Variants in ZNF695 observed in about 807,000 individuals in gnomAD.
The protein encoded by ZNF695 is zinc finger protein SBZF3.
ZNF695 carries 11 observed loss-of-function variants against 11.2 expected under a neutral mutation model. The ratio of observed to expected loss-of-function variants is 0.98; its 90% CI spans 0.62 to 1.62. The LOEUF (loss-of-function observed/expected upper bound fraction) is 1.62, where lower values mean the gene tolerates loss of function less well. Among genes scored for constraint, ZNF695 ranks in the 40% most tolerant of loss-of-function variants. ZNF695 has a pLI of 0.00. For missense variants in ZNF695, 559 were observed against 590.5 expected (o/e 0.95, Z 0.55); for synonymous variants, 190 against 201.4 (o/e 0.94, Z 0.48).
chr1:246,954,010 T>C (rs1230769188), intron 5 of ZNF695, among the ~76,000 whole-genome samples: 2 of 151,146 alleles, frequency 1.3e-5, no homozygotes, highest in Non-Finnish European at 2.9e-5. Context: ...AGTGTAGAGC[T>C]TGGGACTCTG....
In ZNF695 at chr1:246,987,244, G is replaced by A. The variant is rs962434421; in HGVS notation, c.1271C>T (p.Thr424Ile). ...GKAFTWFSYL[T>I]QHKRIHTGEK... is the part of the protein sequence containing the mutation. ...TCCAGTATGAATTCTCTTATGTTGAGTAAGGTATGAAAACCAGGTAAAAGC... is the reference window on the plus strand; with the variant it reads ...TCCAGTATGAATTCTCTTATGTTGAATAAGGTATGAAAACCAGGTAAAAGC... The change falls in exon 4 of 4, where the codon ACT (threonine) becomes ATT (isoleucine). Residue 424 changes from threonine to isoleucine, a missense_variant. Transcript: ENST00000339986. The A allele has an allele frequency of 1.2e-6, 2 of 1,613,886 alleles. No homozygotes were observed. The highest frequency in any genetic ancestry group is 4.5e-5 in the East Asian group (2 of 44,862).
intron 3 of ZNF695, among the ~76,000 whole-genome samples, chr1:246,994,769 A>G (rs749705182): frequency 1.3e-5 from 2 of 152,138 alleles, no homozygotes; most frequent in Admixed American, 1.3e-4. Context: ...CCCGGGAGGC[A>G]GAGCTTGCAG....
At chr1:247,007,004 G>T (rs903007516) in intron 1 of ZNF695, among the ~76,000 whole-genome samples, 2 of 152,110 alleles carry the variant, frequency 1.3e-5, no homozygotes, top group African/African-American at 4.8e-5. Context: ...ACATAATCAG[G>T]AAATTTCATC....
chr1:246,992,405 G>A (rs894884658), intron 3 of ZNF695, among the ~76,000 whole-genome samples: 5 of 152,070 alleles, frequency 3.3e-5, no homozygotes, highest in African/African-American at 1.2e-4. Context: ...GGAAAGGGTA[G>A]TGGGTGAGTG....
downstream of ZNF695, among the ~76,000 whole-genome samples, chr1:246,983,668 A>G (rs1398306826): frequency 6.6e-6 from 1 of 151,972 alleles, no homozygotes; most frequent in Non-Finnish European, 1.5e-5. Context: ...AAATACAAAA[A>G]TTAGCCAGGC....
At position 246,966,103 on chromosome 1, in the gene ZNF695, G is replaced by T. The variant is rs566935820; in HGVS notation, c.488+1592C>A. Among the ~76,000 whole-genome samples, 5 of 152,104 alleles carry T rather than the reference G, an allele frequency of 3.3e-5. No homozygotes were observed. In the South Asian group the frequency reaches 1.0e-3, roughly 32 times the overall value. On this transcript the variant is annotated intron_variant, in intron 5 of 5. Transcript: ENST00000487338. Reference sequence around the variant, plus strand: ...TATTAAGAGAAAAGTTAAGAATAAGGGCAAAGAGCCTGGGGCAGAGGCATA... The same window carrying T: ...TATTAAGAGAAAAGTTAAGAATAAGTGCAAAGAGCCTGGGGCAGAGGCATA...
At chr1:246,995,813 CAAAAAAAAAAAAA>C (rs60375785) in intron 3 of ZNF695, among the ~76,000 whole-genome samples, 11 of 66,782 alleles carry the variant, frequency 1.6e-4, no homozygotes, top group Non-Finnish European at 2.1e-4. Context: ...GACTCTGTCT[CAAAAAAAAAAAAA>C]AAAAAAAAAA....
intron 4 of ZNF695, among the ~76,000 whole-genome samples, chr1:246,973,007 G>T (rs1668467366): frequency 6.7e-6 from 1 of 148,606 alleles, no homozygotes; most frequent in African/African-American, 2.5e-5. Context: ...TCAAACAGAA[G>T]AGTAATAGGA....
intron 5 of ZNF695, among the ~76,000 whole-genome samples, chr1:246,963,275 G>A (rs1275727691): frequency 1.3e-5 from 2 of 152,116 alleles, no homozygotes; most frequent in African/African-American, 4.8e-5. Flanking sequence ...TCTAGGTGCT[G>A]GGCATCAGTG....
rs539641201 is a variant in ZNF695 at position 246,956,306 on chromosome 1, A to T, written c.489-10479T>A. Among the ~76,000 whole-genome samples the T allele has an allele frequency of 6.1e-3, 914 of 150,790 alleles. 6 individuals are homozygous for T. The highest frequency in any genetic ancestry group is 0.019 in the South Asian group (87 of 4,656). On this transcript the variant is annotated intron_variant, in intron 5 of 5. Coordinates refer to the ZNF695 transcript ENST00000487338. ...CCCGGCCGATTGGATCATTATTTTT[A>T]AAAAAATCTATAAAAGATGGTCATG...
intron 1 of ZNF695, among the ~76,000 whole-genome samples, chr1:247,007,464 C>A (rs1669572396): frequency 6.9e-6 from 1 of 144,506 alleles, no homozygotes; most frequent in African/African-American, 2.6e-5. Context: ...CCACCGAACT[C>A]CAGCCTGGCG....
downstream of ZNF695, among the ~76,000 whole-genome samples, chr1:246,980,439 C>T (rs1260327162): frequency 7.3e-6 from 1 of 136,636 alleles, no homozygotes; most frequent in Non-Finnish European, 1.5e-5. Context: ...TTTTTTGAGA[C>T]AGACTCTTAC....
chr1:247,004,069 G>A lies in ZNF695; in HGVS notation c.3+3837C>T, dbSNP rs566170247. Among the ~76,000 whole-genome samples the A allele has an allele frequency of 3.9e-4, 60 of 152,230 alleles. 1 individual carries two copies. The highest frequency in any genetic ancestry group is 3.4e-3 in the Middle Eastern group (1 of 294). On this transcript the variant is annotated intron_variant, in intron 1 of 3. Transcript: ENST00000339986. Reference sequence around the variant, plus strand: ...CTCTACTAAAATACAAAAATTAGCCGGGTGTGGTGGCAGGCATCTGTAATC... The same window carrying A: ...CTCTACTAAAATACAAAAATTAGCCAGGTGTGGTGGCAGGCATCTGTAATC...
intron 3 of ZNF695, among the ~76,000 whole-genome samples, chr1:246,993,912 G>A (rs1294170298): frequency 3.3e-5 from 5 of 152,274 alleles, no homozygotes; most frequent in East Asian, 1.9e-4. Flanking sequence ...GGTGGCTCAC[G>A]CCTGTAATCC....
At chr1:246,971,891 T>G (rs1668437546) in intron 4 of ZNF695, among the ~76,000 whole-genome samples, 1 of 152,146 alleles carries the variant, frequency 6.6e-6, no homozygotes, top group Non-Finnish European at 1.5e-5. Flanking sequence ...ATTTTTTGTA[T>G]TTTTAGTACA....
In ZNF695 at chr1:246,999,901, G is replaced by A. The variant is rs1219018413; in HGVS notation, c.166+11C>T. On this transcript the variant is annotated intron_variant, in intron 2 of 3. Coordinates refer to ENST00000339986, the MANE Select transcript of ZNF695 (RefSeq NM_020394.5). The stretch of plus-strand genomic sequence containing the variant: ...AAAACATTCTACAAAGGAAAAAGAT[G>A]AAATCCTTACTGTGAAATAGGAATT... The A allele has an allele frequency of 2.5e-6, 4 of 1,612,972 alleles. No homozygotes were observed. The highest frequency in any genetic ancestry group is 4.5e-5 in the East Asian group (2 of 44,858).
At position 246,987,226 on chromosome 1, in the gene ZNF695, T is replaced by C; in HGVS notation, c.1289A>G (p.His430Arg). ...ACATTTGTAGGGTTTCTCTCCAGTA[T>C]GAATTCTCTTATGTTGAGTAAGGTA... Reference protein sequence around the residue: ...FSYLTQHKRIHTGEKPYKCDE... With the variant: ...FSYLTQHKRIRTGEKPYKCDE... Residue 430 changes from histidine (H) to arginine (R), a missense_variant, in exon 4 of 4, where the codon CAT becomes CGT. His to Arg is a conservative substitution (Grantham distance 29, BLOSUM62 0). Coordinates refer to ENST00000339986, the MANE Select transcript of ZNF695 (RefSeq NM_020394.5). 6.2e-7 allele frequency: 1 copy of C among 1,614,050 alleles called. No homozygotes were observed. Among genetic ancestry groups the C allele is most frequent in the Non-Finnish European group, 8.5e-7 (1 of 1,180,010 alleles).
At chr1:246,949,481 C>G (rs1487514313) in intron 5 of ZNF695, among the ~76,000 whole-genome samples, 2 of 151,858 alleles carry the variant, frequency 1.3e-5, no homozygotes, top group Non-Finnish European at 2.9e-5. Flanking sequence ...GTCCCAGCTA[C>G]TTGGGGGGCT....
Position 246,999,452 on chromosome 1 carries a change from G to A in ZNF695, c.167-12C>T, listed in dbSNP as rs1279778877. On this transcript the variant is annotated splice_polypyrimidine_tract_variant and intron_variant, in intron 2 of 3. Coordinates refer to ENST00000339986, the MANE Select transcript of ZNF695 (RefSeq NM_020394.5). Reference sequence around the variant, plus strand: ...AGACATAGCAAGACCTGTTTTATTAGAAAAAAGGTGCATGATTCTTGCAGG... The same window carrying A: ...AGACATAGCAAGACCTGTTTTATTAAAAAAAAGGTGCATGATTCTTGCAGG... The A allele has an allele frequency of 6.2e-7, 1 of 1,601,356 alleles. No individual in the cohort carries two copies. Among genetic ancestry groups the A allele is most frequent in the Non-Finnish European group, 8.5e-7 (1 of 1,170,538 alleles).
Sources: gnomAD v4.1 joint callset for allele counts (sites outside exome capture counted in the v4.1 genomes callset) on GRCh38, gnomAD v4.1.1 for gene constraint, MANE v1.5 for transcripts, NCBI Gene and HGNC (gene_info 2026-07-23, HGNC 2026-07-21) for gene names.